The following SYT1 variants were observed in gnomAD, a reference collection of about 807,000 sequenced individuals.
The protein encoded by SYT1 is synaptotagmin 1, also known as synaptotagmin-1.
Under a neutral mutation model 44.8 loss-of-function variants are expected in SYT1, and 8 were observed. That is an observed-to-expected ratio of 0.18 (90% confidence interval 0.10 to 0.32). SYT1 has a LOEUF of 0.32. Among genes scored for constraint, SYT1 ranks in the 10% least tolerant of loss-of-function variants. The pLI is 1.00. For missense variants in SYT1, 286 were observed against 509.3 expected (o/e 0.56, Z 4.22); for synonymous variants, 154 against 188.8 (o/e 0.82, Z 1.51).
chr12:79,298,186 A>G (rs1162444015), intron 7 of SYT1, among the ~76,000 whole-genome samples: 4 of 152,076 alleles, frequency 2.6e-5, no homozygotes, highest in Non-Finnish European at 5.9e-5. Flanking sequence ...TTAGATATAC[A>G]ATAACATTTT....
intron 3 of SYT1, among the ~76,000 whole-genome samples, chr12:79,124,617 C>A (rs1028018976): frequency 6.6e-6 from 1 of 152,064 alleles, no homozygotes; most frequent in Admixed American, 6.5e-5. Context: ...ATCATCATCA[C>A]CATCGCCATT....
Position 79,449,417 on chromosome 12 carries a change from G to T in SYT1, c.*293G>T, listed in dbSNP as rs769119139. Reference sequence around the variant, plus strand: ...CTGTTGTATATACCAGTATGCTAAAGATTTATTTCTAGTTTGTGTATTTGT... The same window carrying T: ...CTGTTGTATATACCAGTATGCTAAATATTTATTTCTAGTTTGTGTATTTGT... On this transcript the variant is annotated 3_prime_UTR_variant, in exon 11 of 11. Coordinates refer to ENST00000261205, the MANE Select transcript of SYT1 (RefSeq NM_005639.3). 6.1e-6 allele frequency: 2 copies of T among 327,558 alleles called. No homozygotes were observed. Among genetic ancestry groups the T allele is most frequent in the East Asian group, 6.7e-5 (1 of 14,974 alleles). The allele number at this position is 327,558 out of a possible 1,614,324, so 20.3% of individuals were successfully genotyped here.
chr12:79,400,515 G>A (rs1406502815), intron 9 of SYT1, among the ~76,000 whole-genome samples: 2 of 152,166 alleles, frequency 1.3e-5, no homozygotes, highest in African/African-American at 4.8e-5. Context: ...CTGAAAAAGT[G>A]ACCATATCAG....
chr12:78,973,926 AAAAAAAAAAAAAATATATATATATAT>A (rs1565743760), intron 1 of SYT1, among the ~76,000 whole-genome samples: 4 of 40,968 alleles, frequency 9.8e-5, no homozygotes, highest in African/African-American at 5.0e-4. Context: ...CAAAAAAAAA[AAAAAAAAAAAAAATATATATATATAT>A]ATATATATAT....
intron 1 of SYT1, among the ~76,000 whole-genome samples, chr12:78,952,284 C>T (rs1350861337): frequency 2.0e-5 from 3 of 152,136 alleles, no homozygotes; most frequent in African/African-American, 7.2e-5. Flanking sequence ...ATCTGTCCTG[C>T]TACAGCAGAC....
In SYT1 at chr12:79,448,784, G is replaced by C. The variant is rs112946233; in HGVS notation, c.1063-134G>C. 3.4e-3 allele frequency: 2,590 copies of C among 764,320 alleles called. 19 individuals are homozygous for C. Among genetic ancestry groups the C allele is most frequent in the African/African-American group, 0.02 (1,167 of 57,550 alleles). 47.3% of individuals were successfully genotyped at this position (764,320 alleles called of 1,614,324 possible). A position where few individuals can be genotyped will look rare whatever the true frequency, so the allele number is the denominator to read the frequency against. On this transcript the variant is annotated intron_variant, in intron 10 of 10. Transcript: ENST00000261205. ...TTAACGTTTGAGTATTAAGATTCAA[G>C]TCATTTTCATCCTCATCCTAGTGCT... is the stretch of plus-strand genomic sequence containing the variant.
At chr12:79,280,646 A>T (rs1230851056) in intron 4 of SYT1, among the ~76,000 whole-genome samples, 1 of 152,050 alleles carries the variant, frequency 6.6e-6, no homozygotes, top group Non-Finnish European at 1.5e-5. Flanking sequence ...TAAAAACAAA[A>T]ATAAATAAAT....
At chr12:79,091,408 A>G (rs565041942) in intron 3 of SYT1, among the ~76,000 whole-genome samples, 1 of 152,146 alleles carries the variant, frequency 6.6e-6, no homozygotes, top group African/African-American at 2.4e-5. Context: ...CAAAAGAAAG[A>G]CAAAAGTTAA....
Position 79,274,672 on chromosome 12 carries a change from C to CT in SYT1, c.167-11114dup, listed in dbSNP as rs1459449759. Among the ~76,000 whole-genome samples, 5 of 152,154 alleles carry CT rather than the reference C, an allele frequency of 3.3e-5. No homozygotes were observed. In the East Asian group the frequency reaches 9.7e-4, roughly 29 times the overall value. On this transcript the variant is annotated intron_variant, in intron 4 of 10. Coordinates refer to ENST00000261205, the MANE Select transcript of SYT1 (RefSeq NM_005639.3). ...AGAGTTCGATGGCCCCACCCATCTC[C>CT]TGGGATATCTGAGTACTCTTCCTGG...
intron 2 of SYT1, among the ~76,000 whole-genome samples, chr12:78,999,539 G>A (rs903294078): frequency 7.9e-5 from 12 of 152,068 alleles, no homozygotes; most frequent in Non-Finnish European, 1.5e-5. Flanking sequence ...CTCCAGCCTG[G>A]AAGAAATAGT....
At chr12:79,033,599 T>A (rs1872949811) in intron 2 of SYT1, among the ~76,000 whole-genome samples, 1 of 151,356 alleles carries the variant, frequency 6.6e-6, no homozygotes, top group Admixed American at 6.6e-5. Context: ...TATCAGTATG[T>A]TTCATCCATT....
intron 9 of SYT1, among the ~76,000 whole-genome samples, chr12:79,389,220 G>A (rs1015235300): frequency 3.3e-5 from 5 of 152,068 alleles, no homozygotes; most frequent in Non-Finnish European, 4.4e-5. Flanking sequence ...ACTATAGAAC[G>A]TCTTACTAAT....
intron 3 of SYT1, among the ~76,000 whole-genome samples, chr12:79,068,681 A>G (rs867555476): frequency 1.3e-5 from 2 of 152,140 alleles, no homozygotes; most frequent in Non-Finnish European, 2.9e-5. Flanking sequence ...AACATTTTCC[A>G]TAATCAGTAC....
At chr12:78,909,301 A>G (rs1876172504) in intron 1 of SYT1, among the ~76,000 whole-genome samples, 1 of 151,884 alleles carries the variant, frequency 6.6e-6, no homozygotes, top group Admixed American at 6.6e-5. Context: ...TCTCAGGGTG[A>G]GTTATTTCTA....
intron 1 of SYT1, among the ~76,000 whole-genome samples, chr12:78,939,921 T>A (rs1470354023): frequency 6.6e-6 from 1 of 152,212 alleles, no homozygotes; most frequent in African/African-American, 2.4e-5. Flanking sequence ...TCCTGTCTTA[T>A]CTTAAAAGTT....
intron 3 of SYT1, among the ~76,000 whole-genome samples, chr12:79,165,713 TATAAC>T (rs1871186220): frequency 1.3e-5 from 2 of 151,986 alleles, no homozygotes; most frequent in African/African-American, 4.8e-5. Flanking sequence ...TTTTAGTCCT[TATAAC>T]ATAACTTAAT....
intron 4 of SYT1, among the ~76,000 whole-genome samples, chr12:79,265,573 A>T (rs1247958606): frequency 1.3e-5 from 2 of 152,168 alleles, no homozygotes; most frequent in Admixed American, 1.3e-4. Context: ...GAATGCCAGA[A>T]TATATGGAAA....
intron 1 of SYT1, among the ~76,000 whole-genome samples, chr12:78,869,152 C>T (rs766448951): frequency 4.6e-5 from 7 of 151,750 alleles, no homozygotes; most frequent in Non-Finnish European, 1.0e-4. Context: ...TTTTTGCAAA[C>T]TTGACTTAAA....
At chr12:78,912,518 AAG>A (rs1462679601) in intron 1 of SYT1, among the ~76,000 whole-genome samples, 3 of 151,916 alleles carry the variant, frequency 2.0e-5, no homozygotes, top group South Asian at 2.1e-4. Context: ...TCTAAAAATA[AAG>A]AGAGTTTGGT....
Sources: allele counts gnomAD v4.1 joint callset (sites outside exome capture counted in the v4.1 genomes callset), GRCh38; gene constraint gnomAD v4.1.1; transcripts MANE v1.5; gene names NCBI Gene and HGNC (gene_info 2026-07-23, HGNC 2026-07-21).